The following CSMD1 variants were observed in gnomAD, a reference collection of about 807,000 sequenced individuals.
CSMD1 encodes the protein CUB and sushi domain-containing protein 1.
Under a neutral mutation model 417.5 loss-of-function variants are expected in CSMD1, and 213 were observed. The ratio of observed to expected loss-of-function variants is 0.51; its 90% CI spans 0.46 to 0.57. CSMD1 has a LOEUF of 0.57. Ranked by LOEUF, CSMD1 falls within the 20% of genes least tolerant of loss-of-function variation. The pLI is 0.00. For missense variants in CSMD1, 6,923 were observed against 4,529.7 expected (o/e 1.53, Z -15.17); for synonymous variants, 2,862 against 1,736.8 (o/e 1.65, Z -16.11).
At chr8:3,161,877 T>A (rs1173373748) in intron 38 of CSMD1, among the ~76,000 whole-genome samples, 1 of 152,152 alleles carries the variant, frequency 6.6e-6, no homozygotes, top group Non-Finnish European at 1.5e-5. Context: ...GTGTTGATAT[T>A]TTGCCCCTAG....
At chr8:3,439,311 T>TATATA (rs1563390619) in intron 12 of CSMD1, among the ~76,000 whole-genome samples, 14 of 36,288 alleles carry the variant, frequency 3.9e-4, no homozygotes, top group East Asian at 2.3e-3. Context: ...ATATATATAT[T>TATATA]TTTTTTTTTA....
intron 1 of CSMD1, among the ~76,000 whole-genome samples, chr8:4,785,254 G>A (rs759767138): frequency 6.6e-5 from 10 of 152,170 alleles, no homozygotes; most frequent in Non-Finnish European, 1.3e-4. Flanking sequence ...TCATGAGGAG[G>A]TGAACATTGG....
At chr8:3,805,222 G>A (rs575439774) in intron 5 of CSMD1, among the ~76,000 whole-genome samples, 4 of 152,044 alleles carry the variant, frequency 2.6e-5, no homozygotes, top group South Asian at 2.1e-4. Context: ...AGTTTCCTGC[G>A]GGACACCAGC....
intron 1 of CSMD1, among the ~76,000 whole-genome samples, chr8:4,645,621 G>T (rs936121633): frequency 6.6e-6 from 1 of 152,016 alleles, no homozygotes; most frequent in Non-Finnish European, 1.5e-5. Flanking sequence ...CAAAGTAATT[G>T]TAGACTGGCA....
At chr8:3,412,939 C>T (rs902461995) in intron 12 of CSMD1, among the ~76,000 whole-genome samples, 18 of 152,152 alleles carry the variant, frequency 1.2e-4, no homozygotes, top group African/African-American at 2.9e-4. Flanking sequence ...CTGGGCTGGG[C>T]GCCCAGGGTC....
intron 5 of CSMD1, among the ~76,000 whole-genome samples, chr8:3,946,856 G>C (rs1356725168): frequency 1.3e-5 from 2 of 151,906 alleles, no homozygotes; most frequent in African/African-American, 4.8e-5. Context: ...ATTTTGTTTT[G>C]AAATTGCTCA....
chr8:3,341,993 T>C (rs1027592668), intron 23 of CSMD1, among the ~76,000 whole-genome samples: 3 of 152,214 alleles, frequency 2.0e-5, no homozygotes, highest in African/African-American at 7.2e-5. Context: ...GAGACATTTC[T>C]GAGAGGGAAA....
intron 5 of CSMD1, among the ~76,000 whole-genome samples, chr8:3,920,517 T>C (rs1809167592): frequency 6.6e-6 from 1 of 152,170 alleles, no homozygotes; most frequent in African/African-American, 2.4e-5. Flanking sequence ...AGTACTATAT[T>C]AAGTACGTTT....
chr8:3,969,875 G>C (rs990258791), intron 5 of CSMD1, among the ~76,000 whole-genome samples: 1 of 152,136 alleles, frequency 6.6e-6, no homozygotes, highest in African/African-American at 2.4e-5. Context: ...TGTCAAATTA[G>C]AAAGCAAAGC....
At chr8:3,920,620 T>C (rs1169256425) in intron 5 of CSMD1, among the ~76,000 whole-genome samples, 1 of 152,178 alleles carries the variant, frequency 6.6e-6, no homozygotes, top group African/African-American at 2.4e-5. Context: ...GCTTGTCATA[T>C]ATGACCTTTA....
At position 3,029,488 on chromosome 8, in the gene CSMD1, A is replaced by T; in HGVS notation, c.7686T>A (p.Ala2562=). 6.2e-7 allele frequency: 1 copy of T among 1,602,632 alleles called. No individual in the cohort carries two copies. The highest frequency in any genetic ancestry group is 2.2e-5 in the East Asian group (1 of 44,548). The part of the protein sequence containing the change: ...CKPVACPSIE[A]QLSEHVIWRL... ...TCCAGATGACATGTTCTGAGAGCTG[A>T]GCTTCAATGCTGGGGCAAGCGACCG... Residue 2562 remains alanine, a synonymous_variant, in exon 51 of 70, where the codon GCT becomes GCA. Transcript: ENST00000635120.
chr8:4,127,453 GAAA>G (rs199764792), intron 3 of CSMD1, among the ~76,000 whole-genome samples: 8,677 of 101,458 alleles, frequency 0.086, 160 homozygotes, highest in East Asian at 0.18. Context: ...AAGCATTAAT[GAAA>G]AAAAAAAAAA....
chr8:3,546,688 T>C (rs980808531), intron 10 of CSMD1, among the ~76,000 whole-genome samples: 1 of 152,106 alleles, frequency 6.6e-6, no homozygotes, highest in Non-Finnish European at 1.5e-5. Context: ...TATAAACAGC[T>C]GGACAAATCT....
At chr8:2,988,168 T>C (rs913799349) in intron 54 of CSMD1, among the ~76,000 whole-genome samples, 1 of 152,202 alleles carries the variant, frequency 6.6e-6, no homozygotes, top group African/African-American at 2.4e-5. Context: ...AACACTTTAG[T>C]ACAACTAAAC....
intron 3 of CSMD1, among the ~76,000 whole-genome samples, chr8:4,145,779 C>G (rs1337044801): frequency 6.6e-6 from 1 of 150,938 alleles, no homozygotes; most frequent in Non-Finnish European, 1.5e-5. Flanking sequence ...TGCGTCAGCT[C>G]GCACCATGAA....
At chr8:4,946,080 T>G (rs776812860) in intron 1 of CSMD1, among the ~76,000 whole-genome samples, 1 of 152,094 alleles carries the variant, frequency 6.6e-6, no homozygotes, top group Non-Finnish European at 1.5e-5. Flanking sequence ...GCAACGAAAG[T>G]CCACTTGCAC....
At chr8:3,553,948 T>A (rs945812262) in intron 10 of CSMD1, among the ~76,000 whole-genome samples, 1 of 152,216 alleles carries the variant, frequency 6.6e-6, no homozygotes, top group Non-Finnish European at 1.5e-5. Flanking sequence ...CAAAACAGAA[T>A]GTAATTTGTA....
intron 26 of CSMD1, among the ~76,000 whole-genome samples, chr8:3,250,136 C>T (rs896944427): frequency 6.6e-6 from 1 of 152,116 alleles, no homozygotes; most frequent in East Asian, 1.9e-4. Flanking sequence ...TATACATGTG[C>T]CGTGTTGGTG....
intron 1 of CSMD1, among the ~76,000 whole-genome samples, chr8:4,774,012 A>C (rs890641265): frequency 1.3e-5 from 2 of 152,080 alleles, no homozygotes; most frequent in Admixed American, 6.6e-5. Flanking sequence ...CCTGGCCAAC[A>C]TGGTGAAACC....
Sources: allele counts gnomAD v4.1 joint callset (sites outside exome capture counted in the v4.1 genomes callset), GRCh38; gene constraint gnomAD v4.1.1; transcripts MANE v1.5; gene names NCBI Gene and HGNC (gene_info 2026-07-23, HGNC 2026-07-21).